The following CNBD1 variants were observed in gnomAD, a reference collection of about 807,000 sequenced individuals.
The protein encoded by CNBD1 is cyclic nucleotide-binding domain-containing protein 1.
A neutral mutation model predicts 54.4 loss-of-function variants in CNBD1; 71 were observed. That is an observed-to-expected ratio of 1.30 (90% CI 1.08 to 1.59). The LOEUF is 1.59. CNBD1 is among the 40% of genes most tolerant of loss of function. The pLI is 0.00. For synonymous variants in CNBD1, 182 were observed against 170.7 expected, an observed-to-expected ratio of 1.07 and a Z score of -0.51; for missense variants, 659 against 518.0, an observed-to-expected ratio of 1.27 and a Z score of -2.64.
rs1812685140 is a variant in CNBD1 at position 87,155,047 on chromosome 8, T to TC, written c.432-50946_432-50945insC. ...CTCCAGGTGGGAAGATTTGCTCTAG[T>TC]TCAGCACCACCTGGGTCTGGGAGGG... On this transcript the variant is annotated intron_variant, in intron 4 of 10. Transcript: ENST00000518476. Among the ~76,000 whole-genome samples the TC allele has an allele frequency of 5.3e-5, 8 of 152,296 alleles. No individual in the cohort carries two copies. The South Asian group carries it at 1.7e-3, about 32-fold the overall frequency.
At chr8:87,406,018 T>C (rs1390730877) in intron 2 of CNBD1, among the ~76,000 whole-genome samples, 1 of 152,160 alleles carries the variant, frequency 6.6e-6, no homozygotes, top group African/African-American at 2.4e-5. Flanking sequence ...AATATATTTC[T>C]CTATGGATAT....
At chr8:86,935,556 ATCTT>A (rs2130415484) in intron 3 of CNBD1, among the ~76,000 whole-genome samples, 1 of 152,210 alleles carries the variant, frequency 6.6e-6, no homozygotes, top group African/African-American at 2.4e-5. Context: ...TAATCTTTCT[ATCTT>A]TTTCTATCTG....
intron 6 of CNBD1, among the ~76,000 whole-genome samples, chr8:87,262,821 G>T (rs1808170505): frequency 6.6e-6 from 1 of 152,104 alleles, no homozygotes; most frequent in Non-Finnish European, 1.5e-5. Context: ...TCTTCCTTAT[G>T]ATCAATTCAC....
At chr8:86,949,805 A>G (rs2130444438) in intron 4 of CNBD1, among the ~76,000 whole-genome samples, 1 of 152,044 alleles carries the variant, frequency 6.6e-6, no homozygotes, top group East Asian at 1.9e-4. Context: ...ATCTTAGAGA[A>G]AAAGCTTCAC....
chr8:87,028,081 A>C (rs1022637998), intron 4 of CNBD1, among the ~76,000 whole-genome samples: 11 of 152,126 alleles, frequency 7.2e-5, no homozygotes, highest in African/African-American at 2.7e-4. Flanking sequence ...GCATGTCCCC[A>C]AGTGTATCCA....
intron 10 of CNBD1, among the ~76,000 whole-genome samples, chr8:87,375,758 A>G (rs1016504470): frequency 6.6e-6 from 1 of 152,030 alleles, no homozygotes; most frequent in African/African-American, 2.4e-5. Flanking sequence ...TAGTTACCTT[A>G]TATGAGAAGT....
At chr8:86,963,617 G>A (rs1807992981) in intron 4 of CNBD1, among the ~76,000 whole-genome samples, 1 of 152,288 alleles carries the variant, frequency 6.6e-6, no homozygotes, top group Non-Finnish European at 1.5e-5. Flanking sequence ...GGGAGTCCCA[G>A]TAACTGGGGA....
chr8:87,388,895 A>T (rs933915554), intron 2 of CNBD1, among the ~76,000 whole-genome samples: 13 of 152,230 alleles, frequency 8.5e-5, no homozygotes, highest in African/African-American at 2.9e-4. Context: ...CAAAAAGCTT[A>T]TCCAACATGA....
chr8:87,117,364 A>G (rs2130711209), intron 4 of CNBD1, among the ~76,000 whole-genome samples: 1 of 146,656 alleles, frequency 6.8e-6, no homozygotes, highest in East Asian at 2.0e-4. Flanking sequence ...GTGCCACTGC[A>G]CTCCAGCCTG....
At chr8:87,244,738 A>T (rs895472909) in intron 6 of CNBD1, among the ~76,000 whole-genome samples, 1 of 152,066 alleles carries the variant, frequency 6.6e-6, no homozygotes. Flanking sequence ...TCTAATGCGT[A>T]GTATAAGTAT....
At chr8:87,354,490 T>A (rs1006369754) in intron 10 of CNBD1, among the ~76,000 whole-genome samples, 1 of 152,052 alleles carries the variant, frequency 6.6e-6, no homozygotes, top group Non-Finnish European at 1.5e-5. Flanking sequence ...TGTGCCATGT[T>A]GGTGTGCTGC....
At chr8:87,141,682 T>C (rs1330536910) in intron 4 of CNBD1, among the ~76,000 whole-genome samples, 1 of 152,196 alleles carries the variant, frequency 6.6e-6, no homozygotes, top group Admixed American at 6.5e-5. Context: ...TTTGTAATAA[T>C]ATTAAGCAAA....
intron 3 of CNBD1, among the ~76,000 whole-genome samples, chr8:86,938,320 C>T (rs1809587809): frequency 1.3e-5 from 2 of 152,312 alleles, no homozygotes; most frequent in East Asian, 3.9e-4. Context: ...CTCTTGTCTT[C>T]TTCTGAGCCT....
chr8:87,211,753 G>C (rs970708068), intron 5 of CNBD1, among the ~76,000 whole-genome samples: 1 of 152,206 alleles, frequency 6.6e-6, no homozygotes, highest in Non-Finnish European at 1.5e-5. Flanking sequence ...GCAGCCTGCA[G>C]AGCCATGAGC....
chr8:86,926,072 T>A (rs1458008012), intron 3 of CNBD1, among the ~76,000 whole-genome samples: 3 of 152,148 alleles, frequency 2.0e-5, no homozygotes, highest in Non-Finnish European at 4.4e-5. Flanking sequence ...ATCCTCCCCA[T>A]GATTGGCTAC....
At chr8:87,379,586 G>A (rs111869162) in intron 10 of CNBD1, among the ~76,000 whole-genome samples, 2,861 of 151,820 alleles carry the variant, frequency 0.019, 90 homozygotes, top group African/African-American at 0.062. Flanking sequence ...GATGACTAGA[G>A]AACTGCATTC....
intron 4 of CNBD1, among the ~76,000 whole-genome samples, chr8:87,032,430 TAAG>T (rs1185635558): frequency 6.6e-6 from 1 of 152,222 alleles, no homozygotes; most frequent in South Asian, 2.1e-4. Flanking sequence ...AAAACGCTAT[TAAG>T]AAGATCATAG....
At chr8:87,110,128 T>C (rs572068407) in intron 4 of CNBD1, among the ~76,000 whole-genome samples, 2 of 152,280 alleles carry the variant, frequency 1.3e-5, no homozygotes, top group African/African-American at 2.4e-5. Context: ...GGGAGGATTA[T>C]CCCTCACAGT....
chr8:87,245,080 C>T (rs555104301), intron 6 of CNBD1, among the ~76,000 whole-genome samples: 166 of 152,022 alleles, frequency 1.1e-3, no homozygotes, highest in Middle Eastern at 0.011. Context: ...ATTGTCTCTC[C>T]GATCATCGAA....
Sources: gnomAD v4.1 joint callset for allele counts (sites outside exome capture counted in the v4.1 genomes callset) on GRCh38, gnomAD v4.1.1 for gene constraint, MANE v1.5 for transcripts, NCBI Gene and HGNC (gene_info 2026-07-23, HGNC 2026-07-21) for gene names.